Variants in SLC2A13 observed in about 807,000 individuals in gnomAD.
The protein encoded by SLC2A13 is solute carrier family 2 member 13.
A neutral mutation model predicts 64.4 loss-of-function variants in SLC2A13; 32 were observed. The ratio of observed to expected loss-of-function variants is 0.50; its 90% CI spans 0.37 to 0.67. The LOEUF (loss-of-function observed/expected upper bound fraction) is 0.67, where lower values mean the gene tolerates loss of function less well. SLC2A13 is among the 30% of genes least tolerant of loss of function. SLC2A13 has a pLI of 0.00. For synonymous variants in SLC2A13, 338 were observed against 327.1 expected, an observed-to-expected ratio of 1.03 and a Z score of -0.36; for missense variants, 743 against 829.2, an observed-to-expected ratio of 0.90 and a Z score of 1.28.
At chr12:39,791,088 T>C (rs564730420) in intron 7 of SLC2A13, among the ~76,000 whole-genome samples, 2 of 149,350 alleles carry the variant, frequency 1.3e-5, no homozygotes, top group South Asian at 2.2e-4. Context: ...TCTTGTAAAT[T>C]TGTTTGAGTT....
chr12:39,972,673 T>C (rs1946685636), intron 3 of SLC2A13, among the ~76,000 whole-genome samples: 1 of 152,216 alleles, frequency 6.6e-6, no homozygotes, highest in Non-Finnish European at 1.5e-5. Context: ...GTATCATTCA[T>C]AGTAAAATAA....
intron 3 of SLC2A13, among the ~76,000 whole-genome samples, chr12:39,983,916 C>G (rs1225064443): frequency 1.4e-5 from 2 of 148,034 alleles, no homozygotes; most frequent in Non-Finnish European, 3.0e-5. Context: ...ATAGCAAAGA[C>G]TTGGAACCAA....
intron 6 of SLC2A13, among the ~76,000 whole-genome samples, chr12:39,860,274 G>T (rs2135915974): frequency 6.6e-6 from 1 of 152,282 alleles, no homozygotes; most frequent in Middle Eastern, 3.4e-3. Context: ...TACATTTAAG[G>T]CCTTCCAGCA....
At chr12:40,014,257 C>T (rs1033524665) in intron 3 of SLC2A13, among the ~76,000 whole-genome samples, 1 of 152,146 alleles carries the variant, frequency 6.6e-6, no homozygotes, top group Non-Finnish European at 1.5e-5. Context: ...CTAATTAAGT[C>T]AATTAAGTAC....
intron 4 of SLC2A13, among the ~76,000 whole-genome samples, chr12:39,896,329 T>A (rs111219747): frequency 7.0e-6 from 1 of 142,424 alleles, no homozygotes; most frequent in Non-Finnish European, 1.5e-5. Flanking sequence ...TGTATATGTG[T>A]ATATATGTAT....
chr12:39,803,007 G>A (rs4254134), intron 7 of SLC2A13, among the ~76,000 whole-genome samples: 118,541 of 152,040 alleles, frequency 0.78, 46,421 homozygotes, highest in Non-Finnish European at 0.82. Flanking sequence ...TCTTCCATGG[G>A]CCCCTTGGGA....
intron 7 of SLC2A13, among the ~76,000 whole-genome samples, chr12:39,822,377 G>A (rs1166661512): frequency 6.6e-6 from 1 of 151,900 alleles, no homozygotes; most frequent in Non-Finnish European, 1.5e-5. Context: ...TGATTCCCAC[G>A]CCTATGAAAA....
intron 3 of SLC2A13, among the ~76,000 whole-genome samples, chr12:39,997,161 C>T (rs1347964430): frequency 1.3e-5 from 2 of 152,172 alleles, no homozygotes; most frequent in Non-Finnish European, 2.9e-5. Flanking sequence ...GTCACCAAAA[C>T]AGCATTATAC....
chr12:40,081,867 CTTT>C (rs1938415205), intron 1 of SLC2A13, among the ~76,000 whole-genome samples: 1 of 152,050 alleles, frequency 6.6e-6, no homozygotes, highest in Non-Finnish European at 1.5e-5. Flanking sequence ...TTTTTATATT[CTTT>C]GATGCCCTTG....
intron 3 of SLC2A13, among the ~76,000 whole-genome samples, chr12:39,997,695 G>A (rs544288045): frequency 6.6e-6 from 1 of 152,262 alleles, no homozygotes; most frequent in African/African-American, 2.4e-5. Flanking sequence ...TCCGGGCATG[G>A]TGGCGGGTGC....
chr12:39,834,401 C>A (rs768775660), intron 6 of SLC2A13, among the ~76,000 whole-genome samples: 1 of 152,028 alleles, frequency 6.6e-6, no homozygotes, highest in Non-Finnish European at 1.5e-5. Flanking sequence ...AAGTCATGGA[C>A]CAAACTTTTA....
intron 7 of SLC2A13, among the ~76,000 whole-genome samples, chr12:39,797,872 A>T (rs1009302438): frequency 6.6e-6 from 1 of 152,128 alleles, no homozygotes; most frequent in African/African-American, 2.4e-5. Flanking sequence ...AATACTTCTA[A>T]TGAGATCTTC....
In SLC2A13 at chr12:40,078,829, A is replaced by T. The variant is rs115593951; in HGVS notation, c.556+26424T>A. Among the ~76,000 whole-genome samples, 763 of 152,258 alleles carry T rather than the reference A, an allele frequency of 5.0e-3. 1 individual carries two copies. Among genetic ancestry groups the T allele is most frequent in the Non-Finnish European group, 9.0e-3 (612 of 68,002 alleles). Reference sequence around the variant, plus strand: ...TTCAGAACTCATTATTGATCTGTTCAAGTATTCCATTTCTTCCTAGTTCAA... The same window carrying T: ...TTCAGAACTCATTATTGATCTGTTCTAGTATTCCATTTCTTCCTAGTTCAA... On this transcript the variant is annotated intron_variant, in intron 1 of 9. Coordinates refer to ENST00000280871, the MANE Select transcript of SLC2A13 (RefSeq NM_052885.4).
At chr12:39,877,775 C>T (rs1271294674) in intron 4 of SLC2A13, among the ~76,000 whole-genome samples, 1 of 152,114 alleles carries the variant, frequency 6.6e-6, no homozygotes, top group African/African-American at 2.4e-5. Flanking sequence ...AACCTTTATG[C>T]AGTAGTTTGA....
rs142428753 is a variant in SLC2A13 at position 39,769,698 on chromosome 12, T to A, written c.1446-4840A>T. Among the ~76,000 whole-genome samples, 436 of 152,066 alleles carry A rather than the reference T, an allele frequency of 2.9e-3. 2 individuals carry two copies. Among genetic ancestry groups the A allele is most frequent in the African/African-American group, 9.9e-3 (410 of 41,480 alleles). Reference sequence around the variant, plus strand: ...TCTTTTCCTGCCCTATTTAGTTTCATCCTACTTGAGCCTTCCCTTCTGTCT... The same window carrying A: ...TCTTTTCCTGCCCTATTTAGTTTCAACCTACTTGAGCCTTCCCTTCTGTCT... On this transcript the variant is annotated intron_variant, in intron 7 of 9. Transcript: ENST00000280871.
chr12:39,775,048 A>G (rs929541867), intron 7 of SLC2A13, among the ~76,000 whole-genome samples: 5 of 152,212 alleles, frequency 3.3e-5, no homozygotes, highest in African/African-American at 1.2e-4. Context: ...TCTGATATCT[A>G]AAGTGTATCC....
intron 4 of SLC2A13, among the ~76,000 whole-genome samples, chr12:39,901,952 T>A (rs1044945632): frequency 3.9e-5 from 6 of 151,982 alleles, no homozygotes; most frequent in Non-Finnish European, 7.4e-5. Context: ...AAAATGTCCA[T>A]CAATGATAGA....
intron 3 of SLC2A13, among the ~76,000 whole-genome samples, chr12:39,988,281 C>T (rs1947064141): frequency 6.6e-6 from 1 of 151,938 alleles, no homozygotes; most frequent in Non-Finnish European, 1.5e-5. Flanking sequence ...ATCATTTTTT[C>T]ATACTTTGGC....
intron 7 of SLC2A13, 88 bp downstream of exon 7, chr12:39,830,015 G>T: frequency 1.3e-6 from 2 of 1,527,834 alleles, no homozygotes; most frequent in Non-Finnish European, 1.8e-6. Context: ...TAAAAGAACT[G>T]CTATAAGTGC....
Sources: allele counts gnomAD v4.1 joint callset (sites outside exome capture counted in the v4.1 genomes callset), GRCh38; gene constraint gnomAD v4.1.1; transcripts MANE v1.5; gene names NCBI Gene and HGNC (gene_info 2026-07-23, HGNC 2026-07-21).